SRPK2: variants seen among roughly 807,000 people sequenced by gnomAD.
SRPK2 encodes the protein SFRS protein kinase 2.
A neutral mutation model predicts 90.8 loss-of-function variants in SRPK2; 21 were observed. The ratio of observed to expected loss-of-function variants is 0.23; its 90% CI spans 0.16 to 0.33. The LOEUF (loss-of-function observed/expected upper bound fraction) is 0.33, where lower values mean the gene tolerates loss of function less well. Among genes scored for constraint, SRPK2 ranks in the 10% least tolerant of loss-of-function variants. The pLI, the probability that SRPK2 is intolerant of heterozygous loss-of-function variation, is 1.00. For synonymous variants in SRPK2, 288 were observed against 311.1 expected, an observed-to-expected ratio of 0.93 and a Z score of 0.78; for missense variants, 620 against 869.0, an observed-to-expected ratio of 0.71 and a Z score of 3.60.
chr7:105,153,113 T>C (rs1805965389), intron 7 of SRPK2, among the ~76,000 whole-genome samples: 1 of 152,046 alleles, frequency 6.6e-6, no homozygotes, highest in Admixed American at 6.5e-5. Flanking sequence ...GAAGCTGAGA[T>C]CAACCTAAGC....
chr7:105,380,973 G>T lies in SRPK2; in HGVS notation c.71+7675C>A, dbSNP rs76127359. On this transcript the variant is annotated intron_variant, in intron 2 of 15. Transcript: ENST00000393651. ...AAAAAAAAAAAAAAAAAAAAAAAAA[G>T]CTGGGCCAGGGGCAGTAGCTCATGA... 3.0e-5 allele frequency among the ~76,000 whole-genome samples: 3 copies of T among 100,306 alleles called. No individual in the cohort carries two copies. In the Admixed American group the frequency reaches 3.2e-4, roughly 11 times the overall value. The allele number at this position is 100,306 out of a possible 152,430, so 65.8% of individuals were successfully genotyped here.
intron 2 of SRPK2, among the ~76,000 whole-genome samples, chr7:105,264,017 C>G (rs951720278): frequency 2.6e-5 from 4 of 152,086 alleles, no homozygotes; most frequent in Non-Finnish European, 4.4e-5. Flanking sequence ...AATGTTTTTC[C>G]TAGTCTTTGC....
At chr7:105,213,251 C>G (rs147060971) in intron 2 of SRPK2, among the ~76,000 whole-genome samples, 1 of 152,102 alleles carries the variant, frequency 6.6e-6, no homozygotes, top group African/African-American at 2.4e-5. Flanking sequence ...GAAAAGTAAC[C>G]GGCTCTAGCT....
upstream of SRPK2, among the ~76,000 whole-genome samples, chr7:105,393,967 A>G (rs1373919194): frequency 6.6e-6 from 1 of 151,586 alleles, no homozygotes; most frequent in Non-Finnish European, 1.5e-5. Context: ...CCCAAAAAGA[A>G]CTCCATACAG....
chr7:105,284,411 A>G (rs1190308710), intron 2 of SRPK2, among the ~76,000 whole-genome samples: 1 of 152,262 alleles, frequency 6.6e-6, no homozygotes, highest in Non-Finnish European at 1.5e-5. Flanking sequence ...AAATGAAGCC[A>G]GAGATAATGG....
chr7:105,291,637 C>T (rs1809037570), intron 2 of SRPK2, among the ~76,000 whole-genome samples: 1 of 152,074 alleles, frequency 6.6e-6, no homozygotes, highest in Admixed American at 6.6e-5. Flanking sequence ...AGCTGAGGCA[C>T]AAGAATTGCT....
chr7:105,232,948 A>G (rs1799636837), intron 2 of SRPK2, among the ~76,000 whole-genome samples: 1 of 151,640 alleles, frequency 6.6e-6, no homozygotes, highest in South Asian at 2.1e-4. Flanking sequence ...TGAACTTGGG[A>G]GGCGGAGGTT....
chr7:105,205,539 A>T lies in SRPK2; in HGVS notation c.72-1754T>A, dbSNP rs1000238224. 2.6e-3 allele frequency among the ~76,000 whole-genome samples: 361 copies of T among 136,620 alleles called. 1 individual carries two copies. Among genetic ancestry groups the T allele is most frequent in the Middle Eastern group, 7.1e-3 (2 of 282 alleles). 89.6% of individuals were successfully genotyped at this position (136,620 alleles called of 152,430 possible). A position where few individuals can be genotyped will look rare whatever the true frequency, so the allele number is the denominator to read the frequency against. On this transcript the variant is annotated intron_variant, in intron 2 of 15. Coordinates refer to ENST00000393651, the MANE Select transcript of SRPK2 (RefSeq NM_182692.3). ...CTCTCACACACACACACACACACAC[A>T]CACACACACACACACACACACACAC...
intron 3 of SRPK2, among the ~76,000 whole-genome samples, chr7:105,174,876 G>A (rs950760876): frequency 2.6e-5 from 4 of 152,144 alleles, no homozygotes; most frequent in African/African-American, 7.2e-5. Flanking sequence ...GGGCATGGTG[G>A]CTCATGCCTG....
intron 2 of SRPK2, among the ~76,000 whole-genome samples, chr7:105,309,291 C>A (rs954577095): frequency 6.6e-6 from 1 of 151,066 alleles, no homozygotes; most frequent in Non-Finnish European, 1.5e-5. Flanking sequence ...AAAGTACAGA[C>A]AATATGTCCA....
At chr7:105,352,119 C>CAAAA (rs1817269846) in intron 2 of SRPK2, among the ~76,000 whole-genome samples, 2 of 152,168 alleles carry the variant, frequency 1.3e-5, no homozygotes, top group Admixed American at 1.3e-4. Flanking sequence ...GAATCCCCGT[C>CAAAA]TTTTAACTCT....
chr7:105,126,834 G>A (rs568911408), intron 14 of SRPK2, among the ~76,000 whole-genome samples, 159 bp downstream of exon 14: 2 of 152,314 alleles, frequency 1.3e-5, no homozygotes, highest in Admixed American at 1.3e-4. Flanking sequence ...CCCATTCACT[G>A]AGACTGAGGG....
chr7:105,150,093 T>G lies in SRPK2; in HGVS notation c.622-3435A>C, dbSNP rs146329984. On this transcript the variant is annotated intron_variant, in intron 7 of 15. Transcript: ENST00000393651. ...GAATCATGGGCATGGCAAATATGAT[T>G]TAATAAGATACTGACAAGTTCCTAG... 9.3e-3 allele frequency among the ~76,000 whole-genome samples: 1,420 copies of G among 152,252 alleles called. 17 individuals are homozygous for G. The highest frequency in any genetic ancestry group is 0.012 in the Non-Finnish European group (796 of 68,020).
chr7:105,148,900 A>G (rs1030665946), intron 7 of SRPK2, among the ~76,000 whole-genome samples: 19 of 152,190 alleles, frequency 1.2e-4, no homozygotes. Flanking sequence ...TACAAGCAGT[A>G]TACTTGGTAA....
intron 2 of SRPK2, among the ~76,000 whole-genome samples, chr7:105,257,519 G>C (rs1803497624): frequency 6.6e-6 from 1 of 152,174 alleles, no homozygotes; most frequent in Non-Finnish European, 1.5e-5. Flanking sequence ...CCTTTTCCGA[G>C]GTTCTTTCAA....
chr7:105,175,495 G>A (rs552808486), intron 3 of SRPK2, among the ~76,000 whole-genome samples: 9 of 151,672 alleles, frequency 5.9e-5, no homozygotes, highest in East Asian at 1.9e-4. Flanking sequence ...CAAAGCAAAC[G>A]GAAGAATGAA....
At chr7:105,387,870 G>A (rs917852814) in intron 2 of SRPK2, among the ~76,000 whole-genome samples, 1 of 152,216 alleles carries the variant, frequency 6.6e-6, no homozygotes, top group African/African-American at 2.4e-5. Context: ...CTTGGGCAGC[G>A]GCCCCCCTGC....
At chr7:105,204,642 C>T (rs1795972949) in intron 2 of SRPK2, 7 of 913,164 alleles carry the variant, frequency 7.7e-6, no homozygotes, top group South Asian at 1.4e-5. Flanking sequence ...GTCAGTTGCC[C>T]GACATGTGAG....
rs1179882136 is a variant in SRPK2 at position 105,324,009 on chromosome 7, GT to G, written c.71+64638del. On this transcript the variant is annotated intron_variant, in intron 2 of 15. Coordinates refer to ENST00000393651, the MANE Select transcript of SRPK2 (RefSeq NM_182692.3). ...TGTGTGTGTGTGTGTGTGTGTGTGTGTGTGTGTGGTGGAGTCTCACATTGTC... is the reference window on the plus strand; with the variant it reads ...TGTGTGTGTGTGTGTGTGTGTGTGTGGTGTGTGGTGGAGTCTCACATTGTC... 3.3e-4 allele frequency among the ~76,000 whole-genome samples: 46 copies of G among 140,776 alleles called. 1 individual carries two copies. In the South Asian group the frequency reaches 0.01, roughly 31 times the overall value. The allele number at this position is 140,776 out of a possible 152,430, so 92.4% of individuals were successfully genotyped here.
Sources: gnomAD v4.1 joint callset for allele counts (sites outside exome capture counted in the v4.1 genomes callset) on GRCh38, gnomAD v4.1.1 for gene constraint, MANE v1.5 for transcripts, NCBI Gene and HGNC (gene_info 2026-07-23, HGNC 2026-07-21) for gene names.